ITGA3: variants seen among roughly 807,000 people sequenced by gnomAD.
ITGA3 encodes the protein integrin subunit alpha 3, also known as integrin alpha-3.
In ITGA3, 70 loss-of-function variants were observed where a neutral mutation model predicts 131.1. The ratio of observed to expected loss-of-function variants is 0.53; its 90% CI spans 0.44 to 0.65. The LOEUF (loss-of-function observed/expected upper bound fraction) is 0.65. Ranked by LOEUF, ITGA3 falls within the 30% of genes least tolerant of loss-of-function variation. The probability of loss-of-function intolerance (pLI) is 0.00; values close to 1 mark genes in which losing one functional copy is unlikely to be tolerated. For missense variants in ITGA3, 1,098 were observed against 1,388.6 expected, an observed-to-expected ratio of 0.79 and a Z score of 3.33; for synonymous variants, 537 against 571.6, an observed-to-expected ratio of 0.94 and a Z score of 0.86.
At position 50,074,189 on chromosome 17, in the gene ITGA3, G is replaced by A. The variant is rs754213910; in HGVS notation, c.1291G>A (p.Gly431Ser). 12 of 1,614,012 alleles carry A rather than the reference G, an allele frequency of 7.4e-6. No homozygotes were observed. Among genetic ancestry groups the A allele is most frequent in the Non-Finnish European group, 1.0e-5 (12 of 1,180,032 alleles). ...GGGACTGCCTGGGTTGGCCACCTTC[G>A]GCTATTCCCTCAGTGGGCAGATGGA... Reference protein sequence around the residue: ...KLGLPGLATFGYSLSGQMDVD... With the variant: ...KLGLPGLATFSYSLSGQMDVD... Residue 431 changes from glycine to serine, a missense_variant, in exon 9 of 26, where the codon GGC (glycine) becomes AGC (serine). This residue lies in a region of ITGA3 where 699 missense variants were observed against 829.2 expected (regional missense o/e 0.84). Transcript: ENST00000320031.
intron 7 of ITGA3, 61 bp from the exon 8 acceptor site, chr17:50,073,855 A>T: frequency 8.2e-7 from 1 of 1,214,906 alleles, no homozygotes; most frequent in Non-Finnish European, 1.2e-6. Context: ...TGGAGCAAAG[A>T]GTTAGGGAGA....
chr17:50,058,980 G>C (rs774102098), intron 1 of ITGA3, among the ~76,000 whole-genome samples: 52 of 152,312 alleles, frequency 3.4e-4, no homozygotes, highest in Non-Finnish European at 5.4e-4. Context: ...ACTGCCCTGG[G>C]GGTGGGAGGA....
At position 50,077,035 on chromosome 17, in the gene ITGA3, A is replaced by G. The variant is rs752750858; in HGVS notation, c.1984A>G (p.Thr662Ala). Reference protein sequence around the residue: ...LLSINVTNTRTSERSGEDAHE... With the variant: ...LLSINVTNTRASERSGEDAHE... ...GAGCATCAACGTGACGAACACCCGG[A>G]CCTCGGAGCGCTCCGGGGAGGACGC... The change falls in exon 15 of 26, where the codon ACC becomes GCC. Residue 662 changes from threonine (T) to alanine (A), a missense_variant. Coordinates refer to ENST00000320031, the MANE Select transcript of ITGA3 (RefSeq NM_002204.4). 1 of 1,610,364 alleles carries G rather than the reference A, an allele frequency of 6.2e-7. No individual in the cohort carries two copies. Among genetic ancestry groups the G allele is most frequent in the South Asian group, 1.1e-5 (1 of 90,680 alleles).
At chr17:50,061,187 G>A (rs55750001) in intron 1 of ITGA3, among the ~76,000 whole-genome samples, 4,325 of 152,254 alleles carry the variant, frequency 0.028, 197 homozygotes, top group African/African-American at 0.097. Flanking sequence ...CTGGGATGTA[G>A]GGCTGGGATT....
chr17:50,070,147 G>A (rs1908556967), intron 4 of ITGA3, among the ~76,000 whole-genome samples: 1 of 152,206 alleles, frequency 6.6e-6, no homozygotes, highest in Non-Finnish European at 1.5e-5. Flanking sequence ...TTTGGGGTCA[G>A]GACCAGAAAG....
chr17:50,073,873 C>T, intron 7 of ITGA3, 43 bp from the exon 8 acceptor site: 1 of 1,439,704 alleles, frequency 6.9e-7, no homozygotes, highest in Middle Eastern at 1.8e-4. Flanking sequence ...AGACGTGGGG[C>T]CCAGAGTACC....
intron 23 of ITGA3, among the ~76,000 whole-genome samples, chr17:50,082,336 G>A (rs1370781361): frequency 1.3e-5 from 2 of 151,922 alleles, no homozygotes; most frequent in East Asian, 1.9e-4. Context: ...CCACCACCAC[G>A]CCCGGCTAAT....
chr17:50,063,338 A>C (rs1422839341), intron 1 of ITGA3, among the ~76,000 whole-genome samples: 1 of 152,138 alleles, frequency 6.6e-6, no homozygotes, highest in Middle Eastern at 3.2e-3. Context: ...TGCCTGTCTT[A>C]AGGTAACTGG....
intron 23 of ITGA3, chr17:50,086,508 G>A (rs1909438860): frequency 6.7e-6 from 1 of 150,168 alleles, no homozygotes; most frequent in Non-Finnish European, 1.5e-5. Flanking sequence ...GGCCAACATG[G>A]TGAAACCCTG....
At chr17:50,065,858 C>G (rs985855060) in intron 3 of ITGA3, 2 of 151,860 alleles carry the variant, frequency 1.3e-5, no homozygotes, top group African/African-American at 2.4e-5. Flanking sequence ...ATGGTGAAAC[C>G]CTGTCTCTAC....
intron 7 of ITGA3, 112 bp downstream of exon 7, chr17:50,072,294 A>G (rs1908669014): frequency 1.0e-6 from 1 of 973,192 alleles, no homozygotes; most frequent in Non-Finnish European, 1.6e-6. Context: ...CACAGATGAG[A>G]CAGGATGGGG....
At chr17:50,059,247 T>G (rs956536322) in intron 1 of ITGA3, among the ~76,000 whole-genome samples, 2 of 152,206 alleles carry the variant, frequency 1.3e-5, no homozygotes, top group Non-Finnish European at 2.9e-5. Context: ...GGACAGGGAC[T>G]GTTCTCTGGG....
intron 7 of ITGA3, among the ~76,000 whole-genome samples, 153 bp from the exon 8 acceptor site, chr17:50,073,763 G>A (rs562771755): frequency 6.6e-6 from 1 of 152,284 alleles, no homozygotes; most frequent in African/African-American, 2.4e-5. Flanking sequence ...ATCCTGAGCT[G>A]CAGAGCTCTG....
intron 1 of ITGA3, among the ~76,000 whole-genome samples, chr17:50,060,179 A>G (rs1178648140): frequency 6.6e-6 from 1 of 152,064 alleles, no homozygotes; most frequent in African/African-American, 2.4e-5. Flanking sequence ...CCGGCCGGGG[A>G]TAGGAGGGGA....
chr17:50,076,964 C>T lies in ITGA3; in HGVS notation c.1923-10C>T, dbSNP rs1457768670. 1.2e-6 allele frequency: 2 copies of T among 1,600,582 alleles called. No individual in the cohort carries two copies. The highest frequency in any genetic ancestry group is 3.4e-5 in the Admixed American group (2 of 59,446). On this transcript the variant is annotated splice_polypyrimidine_tract_variant and intron_variant, in intron 14 of 25. Coordinates refer to ENST00000320031, the MANE Select transcript of ITGA3 (RefSeq NM_002204.4). ...GGGCTCTTGGCTGAGTCCTGGGCTC[C>T]TGCTCTCAGGCTCCAGTACAGCAGA...
rs753977307 is a variant in ITGA3, at chr17:50,077,414, C to G, written c.2106C>G (p.Cys702Trp). 1 of 1,613,820 alleles carries G rather than the reference C, an allele frequency of 6.2e-7. No homozygotes were observed. Among genetic ancestry groups the G allele is most frequent in the African/African-American group, 1.3e-5 (1 of 74,900 alleles). ...GACQANETIF[C>W]ELGNPFKRNQ... Reference sequence around the variant, plus strand: ...GCCAAGCTAATGAGACCATCTTTTGCGAGCTGGGGAACCCCTTCAAACGGA... The same window carrying G: ...GCCAAGCTAATGAGACCATCTTTTGGGAGCTGGGGAACCCCTTCAAACGGA... Residue 702 changes from cysteine (C) to tryptophan (W), a missense_variant, in exon 16 of 26, where the codon TGC (cysteine) becomes TGG (tryptophan). Coordinates refer to ENST00000320031, the MANE Select transcript of ITGA3 (RefSeq NM_002204.4).
chr17:50,062,405 C>T (rs978387514), intron 1 of ITGA3, among the ~76,000 whole-genome samples: 5 of 152,194 alleles, frequency 3.3e-5, no homozygotes, highest in Non-Finnish European at 5.9e-5. Flanking sequence ...CGCCAGAGAG[C>T]GGATGTCCAT....
chr17:50,069,128 G>A (rs1328214442), intron 4 of ITGA3, among the ~76,000 whole-genome samples: 4 of 152,122 alleles, frequency 2.6e-5, no homozygotes, highest in African/African-American at 4.8e-5. Context: ...GATTACAGGC[G>A]TGAGCCACCG....
chr17:50,058,984 G>T (rs1907957651), intron 1 of ITGA3, among the ~76,000 whole-genome samples: 1 of 152,208 alleles, frequency 6.6e-6, no homozygotes, highest in African/African-American at 2.4e-5. Flanking sequence ...CCCTGGGGGT[G>T]GGAGGAGGGG....
Sources: gnomAD v4.1 joint callset for allele counts (sites outside exome capture counted in the v4.1 genomes callset) on GRCh38, gnomAD v4.1.1 for gene constraint, gnomAD v4.1.1 regional missense constraint, MANE v1.5 for transcripts, NCBI Gene and HGNC (gene_info 2026-07-23, HGNC 2026-07-21) for gene names.